VTI1A: variants seen among roughly 807,000 people sequenced by gnomAD.
VTI1A encodes the protein vesicle transport through interaction with t-SNAREs homolog 1A.
A neutral mutation model predicts 34.9 loss-of-function variants in VTI1A; 22 were observed. That is an observed-to-expected ratio of 0.63 (90% CI 0.45 to 0.90). The LOEUF is 0.90. VTI1A is among the 40% of genes least tolerant of loss of function. The pLI is 0.00. For synonymous variants in VTI1A, 87 were observed against 97.3 expected (o/e 0.89, Z 0.62); for missense variants, 268 against 275.6 (o/e 0.97, Z 0.20).
chr10:112,779,074 C>T (rs940913997), intron 7 of VTI1A, among the ~76,000 whole-genome samples: 7 of 152,148 alleles, frequency 4.6e-5, no homozygotes, highest in African/African-American at 1.4e-4. Flanking sequence ...TTTGCTTTAT[C>T]GCAGCTTGAA....
intron 5 of VTI1A, among the ~76,000 whole-genome samples, chr10:112,662,405 A>T (rs1208577726): frequency 6.6e-6 from 1 of 152,122 alleles, no homozygotes; most frequent in African/African-American, 2.4e-5. Flanking sequence ...GTTCATGTTC[A>T]GTGATCCTTT....
chr10:112,603,677 C>G (rs946705653), intron 5 of VTI1A, among the ~76,000 whole-genome samples: 3 of 152,062 alleles, frequency 2.0e-5, no homozygotes, highest in Non-Finnish European at 4.4e-5. Flanking sequence ...TCACAGATTT[C>G]TTAGATAGTC....
chr10:112,656,116 T>C (rs1382300379), intron 5 of VTI1A, among the ~76,000 whole-genome samples: 1 of 152,196 alleles, frequency 6.6e-6, no homozygotes, highest in African/African-American at 2.4e-5. Flanking sequence ...CCCGGTGCCA[T>C]AGGTCCAGGA....
intron 5 of VTI1A, among the ~76,000 whole-genome samples, chr10:112,569,109 C>T (rs922357995): frequency 5.3e-5 from 8 of 151,418 alleles, no homozygotes; most frequent in Non-Finnish European, 1.2e-4. Context: ...GGGCTGAGAT[C>T]GTGCCACTGC....
rs1853530827 is a variant in VTI1A, at chr10:112,816,692, G to A, written c.*1309G>A. ...AGACTTCATAGGCACTTACTGGTCC[G>A]TACTATCTTTGGAATATAATTAGAA... On this transcript the variant is annotated 3_prime_UTR_variant, in exon 8 of 8. Coordinates refer to ENST00000393077, the MANE Select transcript of VTI1A (RefSeq NM_145206.4). 1.3e-5 allele frequency: 3 copies of A among 226,098 alleles called. No individual in the cohort carries two copies. The Admixed American group carries it at 1.7e-4, about 13-fold the overall frequency. The allele number at this position is 226,098 out of a possible 1,614,324, so 14.0% of individuals were successfully genotyped here.
chr10:112,618,506 T>TAGAGAGAGAGAGAG (rs1452998530), intron 5 of VTI1A, among the ~76,000 whole-genome samples: 2 of 33,608 alleles, frequency 6.0e-5, no homozygotes, highest in Non-Finnish European at 1.1e-4. Context: ...TATATATATA[T>TAGAGAGAGAGAGAG]ATATATATAT....
At chr10:112,830,850 T>TATATATATATA in the VTI1A span, among the ~76,000 whole-genome samples, 14 of 29,786 alleles carry the variant, frequency 4.7e-4, no homozygotes, top group Admixed American at 8.8e-4. Flanking sequence ...TATATATATA[T>TATATATATATA]TTTTTTTTTT....
Position 112,724,907 on chromosome 10 carries a change from C to G in VTI1A, c.560+55909C>G, listed in dbSNP as rs1272595494. The stretch of plus-strand genomic sequence containing the variant: ...TCTTCAACAGCTACCAACATGTCAC[C>G]CTTCTTGTTTTATCCTTCTCTCCTC... On this transcript the variant is annotated intron_variant, in intron 7 of 7. Transcript: ENST00000393077. 8.6e-5 allele frequency among the ~76,000 whole-genome samples: 13 copies of G among 150,932 alleles called. No homozygotes were observed. The East Asian group carries it at 2.3e-3, about 27-fold the overall frequency.
intron 3 of VTI1A, among the ~76,000 whole-genome samples, chr10:112,513,907 C>T (rs1849693597): frequency 6.6e-6 from 1 of 151,684 alleles, no homozygotes; most frequent in Non-Finnish European, 1.5e-5. Flanking sequence ...GTGAATGATT[C>T]CTTTAATGTA....
chr10:112,580,442 GATTGGAA>G (rs1161229863), intron 5 of VTI1A, among the ~76,000 whole-genome samples: 2 of 152,162 alleles, frequency 1.3e-5, no homozygotes, highest in African/African-American at 4.8e-5. Flanking sequence ...GCAGGAGCGG[GATTGGAA>G]ATTGCTGAAC....
intron 7 of VTI1A, chr10:112,736,673 T>C (rs1039178733): frequency 1.3e-6 from 2 of 1,550,788 alleles, no homozygotes; most frequent in South Asian, 2.4e-5. Flanking sequence ...CATTTAGCAA[T>C]GAGGGATGGT....
rs569773135 is a variant in VTI1A at position 112,709,910 on chromosome 10, C to T, written c.560+40912C>T. On this transcript the variant is annotated intron_variant, in intron 7 of 7. Transcript: ENST00000393077. Reference sequence around the variant, plus strand: ...TTCACCATGTTGCCCAGGCTGGTCTCGAACTCCTGAGCTCAAGCAATCCAC... The same window carrying T: ...TTCACCATGTTGCCCAGGCTGGTCTTGAACTCCTGAGCTCAAGCAATCCAC... Among the ~76,000 whole-genome samples the T allele has an allele frequency of 1.1e-4, 17 of 148,192 alleles. No individual in the cohort carries two copies. The East Asian group carries it at 2.0e-3, about 18-fold the overall frequency.
intron 2 of VTI1A, among the ~76,000 whole-genome samples, chr10:112,461,781 A>G (rs1247697752): frequency 1.3e-5 from 2 of 152,174 alleles, no homozygotes; most frequent in Non-Finnish European, 2.9e-5. Flanking sequence ...ACAGTGGCAC[A>G]ATCTCGGCTC....
At chr10:112,614,546 A>C (rs536364753) in intron 5 of VTI1A, among the ~76,000 whole-genome samples, 4 of 152,208 alleles carry the variant, frequency 2.6e-5, no homozygotes, top group Non-Finnish European at 5.9e-5. Flanking sequence ...TTCTCCAAAA[A>C]AATAAAAGAA....
intron 5 of VTI1A, among the ~76,000 whole-genome samples, chr10:112,590,262 T>C (rs934056548): frequency 6.6e-6 from 1 of 152,160 alleles, no homozygotes; most frequent in African/African-American, 2.4e-5. Context: ...AATCAGAGAA[T>C]GTTATAAAGA....
At position 112,480,133 on chromosome 10, in the gene VTI1A, G is replaced by T. The variant is rs114269905; in HGVS notation, c.264+15476G>T. On this transcript the variant is annotated intron_variant, in intron 3 of 7. Transcript: ENST00000393077. The stretch of plus-strand genomic sequence containing the variant: ...CCTAGAGTATACACACACATAGAAG[G>T]CAGTGTAATACACAGCTAGAAATAA... 2.0e-5 allele frequency among the ~76,000 whole-genome samples: 3 copies of T among 152,178 alleles called. No individual in the cohort carries two copies. In the East Asian group the frequency reaches 5.8e-4, roughly 29 times the overall value.
intron 5 of VTI1A, among the ~76,000 whole-genome samples, chr10:112,660,050 G>A (rs940895446): frequency 6.6e-6 from 1 of 152,170 alleles, no homozygotes; most frequent in Non-Finnish European, 1.5e-5. Context: ...ATTTGGCCCC[G>A]TGCTCTAGTT....
chr10:112,597,760 C>T (rs560360369), intron 5 of VTI1A, among the ~76,000 whole-genome samples: 2 of 132,068 alleles, frequency 1.5e-5, no homozygotes, highest in East Asian at 4.9e-4. Context: ...TGCAGTGGCG[C>T]GACCTCGGCT....
At chr10:112,848,060 G>GC in the VTI1A span, among the ~76,000 whole-genome samples, 6 of 152,204 alleles carry the variant, frequency 3.9e-5, 1 homozygote, top group Non-Finnish European at 5.9e-5. Context: ...TTTGGGGGTA[G>GC]TTTTTTACAC....
Sources: allele counts gnomAD v4.1 joint callset (sites outside exome capture counted in the v4.1 genomes callset), GRCh38; gene constraint gnomAD v4.1.1; transcripts MANE v1.5; gene names NCBI Gene and HGNC (gene_info 2026-07-23, HGNC 2026-07-21).